Variants in CSMD1 observed in about 807,000 individuals in gnomAD.
CSMD1 encodes the protein CUB and sushi domain-containing protein 1.
In CSMD1, 213 loss-of-function variants were observed where a neutral mutation model predicts 417.5. The observed-to-expected ratio is 0.51, with a 90% CI of 0.46 to 0.57. CSMD1 has a LOEUF of 0.57. CSMD1 is among the 20% of genes least tolerant of loss of function. The pLI, the probability that CSMD1 is intolerant of heterozygous loss-of-function variation, is 0.00. For synonymous variants in CSMD1, 2,862 were observed against 1,736.8 expected (o/e 1.65, Z -16.11); for missense variants, 6,923 against 4,529.7 (o/e 1.53, Z -15.17).
At chr8:4,885,395 AT>A (rs1474193223) in intron 1 of CSMD1, among the ~76,000 whole-genome samples, 1 of 152,096 alleles carries the variant, frequency 6.6e-6, no homozygotes, top group African/African-American at 2.4e-5. Context: ...AAAAAGGCAC[AT>A]CGATGTCTTG....
chr8:3,641,568 T>G (rs974781025), intron 7 of CSMD1, among the ~76,000 whole-genome samples: 6 of 152,194 alleles, frequency 3.9e-5, no homozygotes, highest in African/African-American at 1.4e-4. Flanking sequence ...CAGAACATCC[T>G]TTCAGAAATC....
intron 26 of CSMD1, among the ~76,000 whole-genome samples, chr8:3,271,069 C>A (rs1023405909): frequency 1.7e-5 from 2 of 117,264 alleles, no homozygotes; most frequent in Non-Finnish European, 3.5e-5. Flanking sequence ...CCAATGCTGT[C>A]CTTCCCCCCT....
chr8:3,024,496 AG>A (rs1204386439), intron 51 of CSMD1, among the ~76,000 whole-genome samples: 5 of 152,128 alleles, frequency 3.3e-5, no homozygotes, highest in Non-Finnish European at 7.4e-5. Context: ...TAGTAGAGAC[AG>A]GGTTTCACCA....
At chr8:3,498,845 G>C (rs1205138373) in intron 10 of CSMD1, among the ~76,000 whole-genome samples, 1 of 151,984 alleles carries the variant, frequency 6.6e-6, no homozygotes, top group African/African-American at 2.4e-5. Context: ...CTTCTGCTTA[G>C]TTCTTTTTGT....
chr8:4,635,306 T>C (rs1802756552), intron 2 of CSMD1, among the ~76,000 whole-genome samples: 1 of 152,184 alleles, frequency 6.6e-6, no homozygotes, highest in Non-Finnish European at 1.5e-5. Context: ...GAAATATGTT[T>C]CTAATTGTTC....
At chr8:4,586,879 T>C (rs941920995) in intron 2 of CSMD1, among the ~76,000 whole-genome samples, 2 of 152,210 alleles carry the variant, frequency 1.3e-5, no homozygotes, top group South Asian at 4.1e-4. Context: ...GTATCTGGCA[T>C]AGTATTTGAT....
rs556718568 is a variant in CSMD1 at position 3,726,478 on chromosome 8, A to C, written c.932-17987T>G. ...TATTGAATGTGTAGAGCCAGATGGGATGCTTTAAACCAGAGATGAGAGGCC... is the reference window on the plus strand; with the variant it reads ...TATTGAATGTGTAGAGCCAGATGGGCTGCTTTAAACCAGAGATGAGAGGCC... On this transcript the variant is annotated intron_variant, in intron 6 of 69. Coordinates refer to ENST00000635120, the MANE Select transcript of CSMD1 (RefSeq NM_033225.6). Among the ~76,000 whole-genome samples, 4 of 152,194 alleles carry C rather than the reference A, an allele frequency of 2.6e-5. No individual in the cohort carries two copies. The South Asian group carries it at 8.3e-4, about 32-fold the overall frequency.
chr8:3,064,906 T>C (rs867014346), intron 49 of CSMD1, among the ~76,000 whole-genome samples: 26 of 152,178 alleles, frequency 1.7e-4, no homozygotes, highest in Admixed American at 3.3e-4. Flanking sequence ...TTTCCTTTTA[T>C]TCCCAGGGTA....
chr8:3,054,083 T>TA (rs1420024736), intron 49 of CSMD1, among the ~76,000 whole-genome samples: 1 of 152,228 alleles, frequency 6.6e-6, no homozygotes, highest in Non-Finnish European at 1.5e-5. Context: ...GAGCAAATCT[T>TA]ATGACTCCCA....
chr8:4,386,905 A>G (rs934999748), intron 3 of CSMD1, among the ~76,000 whole-genome samples: 19 of 152,344 alleles, frequency 1.2e-4, no homozygotes, highest in African/African-American at 4.3e-4. Context: ...TGAATAGTTA[A>G]AAGGAAACTT....
intron 54 of CSMD1, among the ~76,000 whole-genome samples, chr8:2,987,756 C>T (rs983834822): frequency 2.6e-5 from 4 of 152,190 alleles, no homozygotes; most frequent in East Asian, 1.9e-4. Context: ...CTGCCAGCGG[C>T]GCGCATAAGG....
At chr8:3,299,007 T>C (rs1434270378) in intron 25 of CSMD1, among the ~76,000 whole-genome samples, 1 of 152,216 alleles carries the variant, frequency 6.6e-6, no homozygotes, top group Non-Finnish European at 1.5e-5. Flanking sequence ...CATGGAGTTT[T>C]GCCATCTTGG....
chr8:4,193,254 T>C (rs1036401671), intron 3 of CSMD1, among the ~76,000 whole-genome samples: 25 of 152,156 alleles, frequency 1.6e-4, no homozygotes, highest in Admixed American at 1.2e-3. Flanking sequence ...CGACAGGGTA[T>C]TGTGAAAATA....
chr8:4,003,949 A>G (rs1815903672), intron 4 of CSMD1, among the ~76,000 whole-genome samples: 1 of 152,106 alleles, frequency 6.6e-6, no homozygotes, highest in African/African-American at 2.4e-5. Context: ...ACAGAACAAA[A>G]CAAAAAAACC....
chr8:4,889,937 C>T (rs1803997333), intron 1 of CSMD1, among the ~76,000 whole-genome samples: 1 of 152,126 alleles, frequency 6.6e-6, no homozygotes, highest in South Asian at 2.1e-4. Flanking sequence ...GTCCTCTTTA[C>T]AGCCAGAATG....
chr8:3,627,287 T>C (rs1796540071), intron 7 of CSMD1, among the ~76,000 whole-genome samples: 1 of 152,158 alleles, frequency 6.6e-6, no homozygotes, highest in African/African-American at 2.4e-5. Context: ...AATACCTAGC[T>C]GCAAGACACT....
chr8:3,608,422 G>C (rs1801725786), intron 8 of CSMD1, among the ~76,000 whole-genome samples: 1 of 152,080 alleles, frequency 6.6e-6, no homozygotes, highest in Non-Finnish European at 1.5e-5. Flanking sequence ...TTCAGTTTCA[G>C]CATCTTTGAA....
intron 5 of CSMD1, among the ~76,000 whole-genome samples, chr8:3,987,695 A>G (rs796633534): frequency 1.2e-4 from 18 of 152,320 alleles, no homozygotes; most frequent in Admixed American, 3.3e-4. Flanking sequence ...TGAAAACAGG[A>G]AACTGCAAGG....
intron 1 of CSMD1, among the ~76,000 whole-genome samples, chr8:4,848,731 A>G (rs1206690781): frequency 6.6e-6 from 1 of 151,996 alleles, no homozygotes; most frequent in Non-Finnish European, 1.5e-5. Context: ...TATAGTAGGG[A>G]CTGGGTTTCA....
Sources: gnomAD v4.1 joint callset for allele counts (sites outside exome capture counted in the v4.1 genomes callset) on GRCh38, gnomAD v4.1.1 for gene constraint, MANE v1.5 for transcripts, NCBI Gene and HGNC (gene_info 2026-07-23, HGNC 2026-07-21) for gene names.